Variants in DUSP16 observed in about 807,000 individuals in gnomAD.
DUSP16 encodes dual specificity protein phosphatase 16.
DUSP16 carries 21 observed loss-of-function variants against 58.3 expected under a neutral mutation model. That is an observed-to-expected ratio of 0.36 (90% CI 0.26 to 0.52). The LOEUF is 0.52. Ranked by LOEUF, DUSP16 falls within the 20% of genes least tolerant of loss-of-function variation. The probability of loss-of-function intolerance (pLI) is 0.94; values close to 1 mark genes in which losing one functional copy is unlikely to be tolerated. For synonymous variants in DUSP16, 320 were observed against 323.8 expected, an observed-to-expected ratio of 0.99 and a Z score of 0.12; for missense variants, 726 against 819.0, an observed-to-expected ratio of 0.89 and a Z score of 1.39.
chr12:12,542,388 G>GAAAA (rs56822339), intron 1 of DUSP16, among the ~76,000 whole-genome samples: 3 of 109,674 alleles, frequency 2.7e-5, no homozygotes, highest in Non-Finnish European at 5.4e-5. Context: ...AAAGAAAAGA[G>GAAAA]AAAAAAAAAA....
At position 12,524,999 on chromosome 12, in the gene DUSP16, C is replaced by T. The variant is rs150446885; in HGVS notation, c.-365-3536G>A. On this transcript the variant is annotated intron_variant, in intron 1 of 6. Coordinates refer to ENST00000298573, the MANE Select transcript of DUSP16 (RefSeq NM_030640.3). Reference sequence around the variant, plus strand: ...CCATCTGCCTGGGTCCCAACCCTGCCCTCTAACTGGTAACAACTTTTAGTA... The same window carrying T: ...CCATCTGCCTGGGTCCCAACCCTGCTCTCTAACTGGTAACAACTTTTAGTA... 2.6e-4 allele frequency among the ~76,000 whole-genome samples: 39 copies of T among 152,198 alleles called. No individual in the cohort carries two copies. The East Asian group carries it at 6.0e-3, about 23-fold the overall frequency.
At position 12,473,697 on chromosome 12, in the gene DUSP16, C is replaced by T. The variant is rs1476150642; in HGVS notation, c.*3136G>A. Among the ~76,000 whole-genome samples the T allele has an allele frequency of 6.6e-6, 1 of 152,116 alleles. No homozygotes were observed. The highest frequency in any genetic ancestry group is 1.5e-5 in the Non-Finnish European group (1 of 68,022). ...GCACTGAAGCTTTATTCCTTCAATG[C>T]CTAATTTTTATGAAACTGATGAGAC... On this transcript the variant is annotated 3_prime_UTR_variant, in exon 7 of 7. Transcript: ENST00000298573.
intron 3 of DUSP16, among the ~76,000 whole-genome samples, chr12:12,507,523 C>T (rs1944014198): frequency 6.6e-6 from 1 of 152,182 alleles, no homozygotes; most frequent in Non-Finnish European, 1.5e-5. Context: ...CCTAAAAAGT[C>T]ATATGCAAAT....
intron 1 of DUSP16, among the ~76,000 whole-genome samples, chr12:12,556,477 A>G (rs1170177206): frequency 1.3e-5 from 2 of 152,162 alleles, no homozygotes; most frequent in African/African-American, 4.8e-5. Context: ...TGGGAGGCTG[A>G]GGCAGGAGGA....
At chr12:12,541,487 GTCTA>G (rs1944559615) in intron 1 of DUSP16, among the ~76,000 whole-genome samples, 1 of 152,184 alleles carries the variant, frequency 6.6e-6, no homozygotes, top group Admixed American at 6.5e-5. Context: ...ATTAAAATTA[GTCTA>G]TCTTATTGGA....
rs113708132 is a variant in DUSP16 at position 12,508,743 on chromosome 12, T to C, written c.368-8061A>G. 4.9e-3 allele frequency among the ~76,000 whole-genome samples: 746 copies of C among 152,300 alleles called. 6 individuals are homozygous for C. The highest frequency in any genetic ancestry group is 0.017 in the African/African-American group (696 of 41,572). ...GAGCTTGCCCTATATTAAACAACCC[T>C]ATCACGTGACACAGTTGGGAAATGG... On this transcript the variant is annotated intron_variant, in intron 3 of 6. Transcript: ENST00000298573.
At chr12:12,484,184 G>A (rs1460470531) in intron 5 of DUSP16, among the ~76,000 whole-genome samples, 2 of 152,006 alleles carry the variant, frequency 1.3e-5, no homozygotes, top group Non-Finnish European at 1.5e-5. Context: ...AGTGAATATG[G>A]GCTGAATTCA....
At chr12:12,523,463 A>T (rs1284016907) in intron 1 of DUSP16, among the ~76,000 whole-genome samples, 1 of 152,246 alleles carries the variant, frequency 6.6e-6, no homozygotes, top group African/African-American at 2.4e-5. Flanking sequence ...AGAGGCTGAC[A>T]CACAGGGAGT....
intron 1 of DUSP16, among the ~76,000 whole-genome samples, chr12:12,540,428 T>C: frequency 6.6e-6 from 1 of 152,200 alleles, no homozygotes; most frequent in East Asian, 1.9e-4. Context: ...CAAGGAACAC[T>C]AGGTTAGAAA....
At chr12:12,496,514 G>T (rs1440601545) in intron 4 of DUSP16, among the ~76,000 whole-genome samples, 1 of 152,222 alleles carries the variant, frequency 6.6e-6, no homozygotes, top group Non-Finnish European at 1.5e-5. Context: ...AAATGGAGAA[G>T]GAGCAGGCAG....
At chr12:12,539,042 A>C (rs1944511128) in intron 1 of DUSP16, among the ~76,000 whole-genome samples, 1 of 152,206 alleles carries the variant, frequency 6.6e-6, no homozygotes, top group Non-Finnish European at 1.5e-5. Flanking sequence ...ATAAATCAGA[A>C]TCTCTGAGGA....
At chr12:12,490,661 A>C (rs1202841944) in intron 4 of DUSP16, among the ~76,000 whole-genome samples, 4 of 152,194 alleles carry the variant, frequency 2.6e-5, no homozygotes, top group Non-Finnish European at 5.9e-5. Flanking sequence ...TTCGTAAGCA[A>C]ATCACACCTA....
intron 1 of DUSP16, among the ~76,000 whole-genome samples, chr12:12,527,028 G>A (rs1372043671): frequency 6.6e-6 from 1 of 152,148 alleles, no homozygotes; most frequent in African/African-American, 2.4e-5. Flanking sequence ...AAAGGAAAAG[G>A]ATCCCATAGC....
At position 12,558,385 on chromosome 12, in the gene DUSP16, TG is replaced by T. The variant is rs1368588238; in HGVS notation, c.-366+3731del. ...TCAATCACTATCCCTCAAGATTATA[TG>T]TTTTTTTTTTTTTGATACACTGTCT... On this transcript the variant is annotated intron_variant, in intron 1 of 6. Coordinates refer to ENST00000298573, the MANE Select transcript of DUSP16 (RefSeq NM_030640.3). Among the ~76,000 whole-genome samples the T allele has an allele frequency of 8.6e-4, 125 of 145,846 alleles. 1 individual carries two copies. Among genetic ancestry groups the T allele is most frequent in the South Asian group, 3.6e-3 (17 of 4,692 alleles).
chr12:12,482,540 AC>A (rs1367498984), intron 5 of DUSP16, among the ~76,000 whole-genome samples: 13 of 151,780 alleles, frequency 8.6e-5, no homozygotes, highest in African/African-American at 2.7e-4. Context: ...TTAATTTAAC[AC>A]ACACAACTGG....
At position 12,476,750 on chromosome 12, in the gene DUSP16, A is replaced by C; in HGVS notation, c.*83T>G. 3 of 1,283,566 alleles carry C rather than the reference A, an allele frequency of 2.3e-6. No individual in the cohort carries two copies. The South Asian group carries it at 4.3e-5, about 18-fold the overall frequency. The allele number at this position is 1,283,566 out of a possible 1,614,324, so 79.5% of individuals were successfully genotyped here. A position where few individuals can be genotyped will look rare whatever the true frequency, so the allele number is the denominator to read the frequency against. On this transcript the variant is annotated 3_prime_UTR_variant, in exon 7 of 7. Transcript: ENST00000298573. ...TTTCCAAAAATATATATGTATGTAC[A>C]TATATATATTTCAGATTTACAGGGA...
rs1409894541 is a variant in DUSP16, at chr12:12,473,753, T to C, written c.*3080A>G. ...TTCTAGTCTCATAAGTCATCAAATC[T>C]AGTGTCATGAGCAGAGAGGTTGTTG... On this transcript the variant is annotated 3_prime_UTR_variant, in exon 7 of 7. Transcript: ENST00000298573. Among the ~76,000 whole-genome samples, 1 of 152,230 alleles carries C rather than the reference T, an allele frequency of 6.6e-6. No homozygotes were observed. Among genetic ancestry groups the C allele is most frequent in the Non-Finnish European group, 1.5e-5 (1 of 68,038 alleles).
At chr12:12,512,165 G>C (rs1272938816) in intron 3 of DUSP16, among the ~76,000 whole-genome samples, 2 of 152,198 alleles carry the variant, frequency 1.3e-5, no homozygotes, top group East Asian at 3.8e-4. Context: ...AACAGAGCCA[G>C]AAATACACAG....
At chr12:12,487,692 A>G (rs1275669739) in intron 4 of DUSP16, among the ~76,000 whole-genome samples, 1 of 152,114 alleles carries the variant, frequency 6.6e-6, no homozygotes, top group African/African-American at 2.4e-5. Context: ...TAAATTTCCA[A>G]CCCGTATCTC....
Sources: allele counts gnomAD v4.1 joint callset (sites outside exome capture counted in the v4.1 genomes callset), GRCh38; gene constraint gnomAD v4.1.1; transcripts MANE v1.5; gene names NCBI Gene and HGNC (gene_info 2026-07-23, HGNC 2026-07-21).